Variants in ARHGEF33 observed in about 807,000 individuals in gnomAD.
ARHGEF33 encodes the protein Rho guanine nucleotide exchange factor 33, also known as DH and coiled-coil domain-containing protein ENSP00000381780.
A neutral mutation model predicts 101.9 loss-of-function variants in ARHGEF33; 72 were observed. The observed-to-expected ratio is 0.71, with a 90% CI of 0.58 to 0.86. ARHGEF33 has a LOEUF of 0.86. Among genes scored for constraint, ARHGEF33 ranks in the 40% least tolerant of loss-of-function variants. The pLI, the probability that ARHGEF33 is intolerant of heterozygous loss-of-function variation, is 0.00. For synonymous variants in ARHGEF33, 499 were observed against 442.5 expected (o/e 1.13, Z -1.60); for missense variants, 1,169 against 1,111.3 (o/e 1.05, Z -0.74).
At chr2:38,963,974 G>T (rs528681925) in intron 16 of ARHGEF33, among the ~76,000 whole-genome samples, 1 of 152,180 alleles carries the variant, frequency 6.6e-6, no homozygotes, top group Admixed American at 6.5e-5. Context: ...TTATTATTAC[G>T]TTGTAATATA....
chr2:38,890,317 G>A (rs1433488275), intron 1 of ARHGEF33, among the ~76,000 whole-genome samples: 1 of 152,174 alleles, frequency 6.6e-6, no homozygotes, highest in Non-Finnish European at 1.5e-5. Flanking sequence ...AAGGATGCTA[G>A]ACAGCGTAAA....
At chr2:38,936,845 A>G (rs1386240561) in intron 8 of ARHGEF33, 7 of 150,910 alleles carry the variant, frequency 4.6e-5, no homozygotes, top group Non-Finnish European at 1.0e-4. Flanking sequence ...GCGTGGTGGC[A>G]CACACCTGTA....
intron 10 of ARHGEF33, among the ~76,000 whole-genome samples, chr2:38,945,760 A>G (rs1667432629): frequency 6.6e-6 from 1 of 152,224 alleles, no homozygotes; most frequent in Non-Finnish European, 1.5e-5. Context: ...GAAAAGAGAA[A>G]ACTGTTTACT....
intron 16 of ARHGEF33, among the ~76,000 whole-genome samples, chr2:38,963,071 G>A (rs1014714315): frequency 6.6e-6 from 1 of 151,108 alleles, no homozygotes; most frequent in South Asian, 2.1e-4. Flanking sequence ...CTAGAGAGAG[G>A]TAGCATGCAG....
chr2:38,958,195 T>C lies in ARHGEF33; in HGVS notation c.1532T>C (p.Ile511Thr). Reference protein sequence around the residue: ...YPSAPSSGPAITHLMPPVKKS... With the variant: ...YPSAPSSGPATTHLMPPVKKS... ...TCTGCTCCCAGTTCTGGCCCTGCCA[T>C]CACGTAAGCACCTGTTGCTGTGGGA... The change falls in exon 15 of 18, where the codon ATC (isoleucine) becomes ACC (threonine). Residue 511 changes from isoleucine to threonine, a missense_variant. Ile to Thr is a moderately conservative substitution (Grantham distance 89). Coordinates refer to ENST00000409978, the MANE Select transcript of ARHGEF33 (RefSeq NM_001145451.5). The C allele has an allele frequency of 6.4e-7, 1 of 1,551,590 alleles. No individual in the cohort carries two copies. The highest frequency in any genetic ancestry group is 1.4e-5 in the African/African-American group (1 of 73,158).
chr2:38,948,603 G>T (rs1182724512), intron 10 of ARHGEF33, among the ~76,000 whole-genome samples: 6 of 152,058 alleles, frequency 3.9e-5, no homozygotes, highest in Non-Finnish European at 8.8e-5. Flanking sequence ...AGGGAGGGAG[G>T]AAGGGGAATG....
intron 4 of ARHGEF33, among the ~76,000 whole-genome samples, chr2:38,924,043 C>G (rs541413655): frequency 5.3e-5 from 8 of 152,004 alleles, no homozygotes; most frequent in African/African-American, 1.9e-4. Flanking sequence ...AAAGACACAA[C>G]AAATATTTCA....
At chr2:38,960,742 G>A in intron 16 of ARHGEF33, 94 bp downstream of exon 16, 1 of 1,029,224 alleles carries the variant, frequency 9.7e-7, no homozygotes, top group Non-Finnish European at 1.2e-6. Flanking sequence ...GGAGAGGAGC[G>A]GGGCCGGGCC....
chr2:38,944,902 C>T (rs2599075), intron 10 of ARHGEF33, among the ~76,000 whole-genome samples: 135,657 of 147,818 alleles, frequency 0.92, 62,313 homozygotes, highest in Admixed American at 0.93. Context: ...TGTGTGTGTG[C>T]GCGCTCATAG....
intron 2 of ARHGEF33, among the ~76,000 whole-genome samples, chr2:38,900,682 T>C (rs1032170070): frequency 6.6e-6 from 1 of 152,020 alleles, no homozygotes; most frequent in Non-Finnish European, 1.5e-5. Flanking sequence ...AGCAGTCCCA[T>C]AGGATATGGG....
chr2:38,932,628 G>C (rs1455807712), intron 7 of ARHGEF33, among the ~76,000 whole-genome samples: 2 of 152,146 alleles, frequency 1.3e-5, no homozygotes, highest in Non-Finnish European at 2.9e-5. Flanking sequence ...GATAGGCTTA[G>C]AATGTAAAAG....
chr2:38,973,538 T>C (rs1668211942), intron 17 of ARHGEF33, among the ~76,000 whole-genome samples, 176 bp from the exon 18 acceptor site: 1 of 152,186 alleles, frequency 6.6e-6, no homozygotes, highest in Non-Finnish European at 1.5e-5. Context: ...TCTCTTTATG[T>C]TCAATGCAAA....
At chr2:38,965,873 T>A in intron 16 of ARHGEF33, 133 bp from the exon 17 acceptor site, 1 of 1,047,032 alleles carries the variant, frequency 9.6e-7, no homozygotes, top group Non-Finnish European at 1.4e-6. Context: ...TTGCTTTAGT[T>A]GGGATTGGGT....
intron 16 of ARHGEF33, among the ~76,000 whole-genome samples, chr2:38,963,286 T>A (rs1667986483): frequency 1.3e-5 from 2 of 152,188 alleles, no homozygotes; most frequent in Admixed American, 1.3e-4. Flanking sequence ...AAACTCCTAG[T>A]GTTTCTTCCC....
chr2:38,916,384 T>G (rs1412727427), intron 2 of ARHGEF33, among the ~76,000 whole-genome samples: 1 of 152,244 alleles, frequency 6.6e-6, no homozygotes, highest in Non-Finnish European at 1.5e-5. Flanking sequence ...AGAACTTGGA[T>G]AGAATAATTT....
intron 1 of ARHGEF33, among the ~76,000 whole-genome samples, chr2:38,895,244 T>A (rs1221346130): frequency 1.3e-5 from 2 of 152,236 alleles, no homozygotes; most frequent in Non-Finnish European, 2.9e-5. Flanking sequence ...GCAGCAAAAA[T>A]TATATAAATC....
chr2:38,931,381 C>G (rs1207169066), intron 7 of ARHGEF33, 130 bp downstream of exon 7: 6 of 802,726 alleles, frequency 7.5e-6, no homozygotes, highest in Non-Finnish European at 1.1e-5. Flanking sequence ...CTGCTTGTAA[C>G]TGGAATTCAG....
intron 7 of ARHGEF33, among the ~76,000 whole-genome samples, chr2:38,935,048 TA>T (rs35050000): frequency 0.014 from 1,880 of 136,454 alleles, 30 homozygotes; most frequent in East Asian, 0.076. Context: ...TAGGTGCAGT[TA>T]AAAAAAAAAA....
intron 17 of ARHGEF33, among the ~76,000 whole-genome samples, chr2:38,968,952 A>G (rs1668111697): frequency 6.6e-6 from 1 of 152,276 alleles, no homozygotes. Flanking sequence ...GGTAGAGAGG[A>G]AGGTCAGGGA....
Sources: allele counts gnomAD v4.1 joint callset (sites outside exome capture counted in the v4.1 genomes callset), GRCh38; gene constraint gnomAD v4.1.1; transcripts MANE v1.5; gene names NCBI Gene and HGNC (gene_info 2026-07-23, HGNC 2026-07-21).